CAST: variants seen among roughly 807,000 people sequenced by gnomAD.
The protein encoded by CAST is MIR583 host.
A neutral mutation model predicts 119.6 loss-of-function variants in CAST; 76 were observed. That is an observed-to-expected ratio of 0.64 (90% confidence interval 0.53 to 0.77). The LOEUF (loss-of-function observed/expected upper bound fraction) is 0.77, where lower values mean the gene tolerates loss of function less well. Among genes scored for constraint, CAST ranks in the 30% least tolerant of loss-of-function variants. CAST has a pLI of 0.00. For synonymous variants in CAST, 319 were observed against 331.6 expected, an observed-to-expected ratio of 0.96 and a Z score of 0.41; for missense variants, 953 against 946.5, an observed-to-expected ratio of 1.01 and a Z score of -0.09.
the CAST span, among the ~76,000 whole-genome samples, chr5:96,229,012 A>G: frequency 7.0e-6 from 1 of 143,444 alleles, no homozygotes; most frequent in African/African-American, 3.0e-5. Flanking sequence ...TACCTTTAGA[A>G]TAACGATTTT....
chr5:96,198,962 T>C, the CAST span, among the ~76,000 whole-genome samples: 1 of 152,216 alleles, frequency 6.6e-6, no homozygotes, highest in East Asian at 1.9e-4. Flanking sequence ...CTGAGCATCA[T>C]GTCTTACTGG....
At chr5:96,214,622 C>G in the CAST span, among the ~76,000 whole-genome samples, 1 of 152,110 alleles carries the variant, frequency 6.6e-6, no homozygotes, top group African/African-American at 2.4e-5. Flanking sequence ...ATAAGATAGA[C>G]AAGGTCTCTG....
chr5:96,558,822 A>G (rs1186164882), intron 1 of CAST, among the ~76,000 whole-genome samples: 1 of 152,204 alleles, frequency 6.6e-6, no homozygotes, highest in African/African-American at 2.4e-5. Context: ...ATTCCAATCA[A>G]TAGAAATAGA....
intron 2 of CAST, among the ~76,000 whole-genome samples, chr5:96,692,256 G>A (rs1194691504): frequency 6.6e-6 from 1 of 152,110 alleles, no homozygotes; most frequent in Non-Finnish European, 1.5e-5. Flanking sequence ...AGGAGTATAA[G>A]TGTGAAGAGA....
At chr5:96,368,531 A>G in the CAST span, among the ~76,000 whole-genome samples, 1 of 151,620 alleles carries the variant, frequency 6.6e-6, no homozygotes, top group African/African-American at 2.4e-5. Context: ...AAACCTATAG[A>G]ATTATTCTCA....
the CAST span, among the ~76,000 whole-genome samples, chr5:96,104,677 C>T: frequency 1.3e-5 from 2 of 150,376 alleles, no homozygotes; most frequent in Non-Finnish European, 3.0e-5. Flanking sequence ...GTGATGCCTC[C>T]AGCTTTGTTC....
the CAST span, among the ~76,000 whole-genome samples, chr5:96,377,721 G>A: frequency 6.6e-6 from 1 of 152,058 alleles, no homozygotes; most frequent in South Asian, 2.1e-4. Context: ...CTGTATATAT[G>A]TGCAACTATT....
chr5:96,410,932 G>A, the CAST span: 1 of 1,614,030 alleles, frequency 6.2e-7, no homozygotes, highest in South Asian at 1.1e-5. Flanking sequence ...TTATCTCCCT[G>A]ACGCCCCCCG....
chr5:96,123,720 G>T, the CAST span, among the ~76,000 whole-genome samples: 1 of 152,158 alleles, frequency 6.6e-6, no homozygotes, highest in Non-Finnish European at 1.5e-5. Context: ...AATTCAACAA[G>T]ATGGAAATGC....
At chr5:96,588,790 T>C (rs187611155) in intron 1 of CAST, among the ~76,000 whole-genome samples, 2 of 152,192 alleles carry the variant, frequency 1.3e-5, no homozygotes, top group Admixed American at 1.3e-4. Context: ...GTCCCATGAT[T>C]TCTCTATGCA....
the CAST span, among the ~76,000 whole-genome samples, chr5:96,093,473 G>C: frequency 6.6e-6 from 1 of 152,238 alleles, no homozygotes; most frequent in Non-Finnish European, 1.5e-5. Context: ...CATGTCTTGC[G>C]TGTTCATGGG....
chr5:96,534,688 G>GTGGA, intron 1 of CAST, among the ~76,000 whole-genome samples: 1 of 36,958 alleles, frequency 2.7e-5, no homozygotes, highest in Middle Eastern at 9.6e-3. Flanking sequence ...GAGAGAGAGA[G>GTGGA]AGGAAGGAAG....
At chr5:96,310,296 G>A in the CAST span, among the ~76,000 whole-genome samples, 104 of 152,272 alleles carry the variant, frequency 6.8e-4, no homozygotes, top group African/African-American at 2.4e-3. Context: ...TGATCATGGT[G>A]TGTGATCCTT....
intron 3 of CAST, among the ~76,000 whole-genome samples, chr5:96,719,829 A>C (rs771617933): frequency 2.6e-5 from 4 of 152,154 alleles, no homozygotes; most frequent in Non-Finnish European, 5.9e-5. Flanking sequence ...GGCCTGGCGT[A>C]CACAGCTCGG....
the CAST span, among the ~76,000 whole-genome samples, chr5:96,434,640 TAAA>T: frequency 1.3e-4 from 19 of 146,144 alleles, no homozygotes; most frequent in African/African-American, 4.9e-4. Flanking sequence ...TGTTGTTTTT[TAAA>T]GCTCAACCGC....
the CAST span, among the ~76,000 whole-genome samples, chr5:96,201,122 G>GGA: frequency 1.3e-5 from 2 of 151,942 alleles, no homozygotes; most frequent in Non-Finnish European, 1.5e-5. Context: ...AGAATTATCT[G>GGA]CAATAAAATG....
intron 1 of CAST, among the ~76,000 whole-genome samples, chr5:96,642,870 T>C (rs1747969157): frequency 6.6e-6 from 1 of 152,180 alleles, no homozygotes; most frequent in Admixed American, 6.5e-5. Flanking sequence ...GTTCTTAATA[T>C]GTACTACAGA....
chr5:96,541,091 G>A (rs2150179815), intron 1 of CAST, among the ~76,000 whole-genome samples: 1 of 152,116 alleles, frequency 6.6e-6, no homozygotes, highest in Middle Eastern at 3.4e-3. Flanking sequence ...CCTGTAGAGT[G>A]GAATATCTAC....
chr5:96,599,933 A>T, intron 1 of CAST, among the ~76,000 whole-genome samples: 1 of 144,368 alleles, frequency 6.9e-6, no homozygotes. Context: ...CTTCTCATTT[A>T]TCCAAAATAT....
Sources: gnomAD v4.1 joint callset for allele counts (sites outside exome capture counted in the v4.1 genomes callset) on GRCh38, gnomAD v4.1.1 for gene constraint, MANE v1.5 for transcripts, NCBI Gene and HGNC (gene_info 2026-07-23, HGNC 2026-07-21) for gene names.